Variants in PUF60 observed in about 807,000 individuals in gnomAD.
PUF60 encodes poly(U) binding splicing factor 60, also known as poly(U)-binding-splicing factor PUF60.
PUF60 carries 10 observed loss-of-function variants against 61.8 expected under a neutral mutation model. The ratio of observed to expected loss-of-function variants is 0.16; its 90% CI spans 0.10 to 0.27. The LOEUF (loss-of-function observed/expected upper bound fraction) is 0.27. Ranked by LOEUF, PUF60 falls within the 10% of genes least tolerant of loss-of-function variation. PUF60 has a pLI of 1.00. For missense variants in PUF60, 371 were observed against 754.0 expected, an observed-to-expected ratio of 0.49 and a Z score of 5.95; for synonymous variants, 353 against 300.9, an observed-to-expected ratio of 1.17 and a Z score of -1.79.
chr8:143,817,991 C>T lies in PUF60; in HGVS notation c.688G>A (p.Val230Met). ...GAGAGGTCCTGGTGCACAGAGGCCACGTAGATGCGGTTGAAGGCCCGTGCC... is the reference window on the plus strand; with the variant it reads ...GAGAGGTCCTGGTGCACAGAGGCCATGTAGATGCGGTTGAAGGCCCGTGCC... ...EEARAFNRIYVASVHQDLSDD... is the reference protein window; with the variant it reads ...EEARAFNRIYMASVHQDLSDD... Residue 230 changes from valine (V) to methionine (M), a missense_variant, in exon 8 of 12, where the codon GTG becomes ATG. Around this residue, in one of 13 missense-constraint regions of PUF60, gnomAD observed 31 missense variants for 80.6 expected, o/e 0.38. Transcript: ENST00000526683. The surrounding 1 kb of genome is among the most constrained non-coding windows in gnomAD (Gnocchi z 7.4). 6.2e-7 allele frequency: 1 copy of T among 1,612,906 alleles called. No individual in the cohort carries two copies. The highest frequency in any genetic ancestry group is 8.5e-7 in the Non-Finnish European group (1 of 1,179,850).
rs775052816 is a variant in PUF60, at chr8:143,816,641, G to A, written c.1559C>T (p.Ser520Phe). The A allele has an allele frequency of 1.2e-6, 2 of 1,613,858 alleles. No homozygotes were observed. The highest frequency in any genetic ancestry group is 3.3e-5 in the Admixed American group (2 of 60,024). Residue 520 changes from serine (S) to phenylalanine (F), a missense_variant, in exon 12 of 12, where the codon TCC (serine) becomes TTC (phenylalanine). By Grantham distance (155) the Ser-to-Phe change is radical (BLOSUM62 -2). Transcript: ENST00000526683. Reference protein sequence around the residue: ...EIIVKIFVEFSIASETHKAIQ... With the variant: ...EIIVKIFVEFFIASETHKAIQ... ...GGCCTTATGAGTCTCAGAGGCTATG[G>A]AAAACTCCACAAAGATCTTGACAAT...
intron 2 of PUF60, 144 bp downstream of exon 2, chr8:143,824,169 C>T: frequency 2.5e-6 from 2 of 793,126 alleles, no homozygotes; most frequent in South Asian, 1.8e-5. Flanking sequence ...GGGCAGTTGT[C>T]TGCCCAGAGG....
chr8:143,829,109 C>CG, intron 1 of PUF60, 171 bp downstream of exon 1: 1 of 1,149,894 alleles, frequency 8.7e-7, no homozygotes, highest in Non-Finnish European at 1.1e-6. Context: ...GAGCCGGCCG[C>CG]CGGCGCGCGC....
At chr8:143,824,255 C>A (rs1224698645) in intron 2 of PUF60, 58 bp downstream of exon 2, 4 of 1,450,668 alleles carry the variant, frequency 2.8e-6, no homozygotes, top group African/African-American at 2.9e-5. Flanking sequence ...CACAGGCAGG[C>A]GGGCGGGCGG....
At chr8:143,823,362 G>A (rs1817243331) in intron 2 of PUF60, 1 of 152,530 alleles carries the variant, frequency 6.6e-6, no homozygotes, top group African/African-American at 2.4e-5. Context: ...CCTCCTTAGT[G>A]GGAAAGAGGG....
chr8:143,822,731 CT>C (rs995582304), intron 2 of PUF60: 18 of 365,912 alleles, frequency 4.9e-5, no homozygotes, highest in African/African-American at 3.8e-4. Flanking sequence ...CATCTCTAAG[CT>C]TTTTGCAGAG....
chr8:143,828,251 G>C (rs1246314376), intron 1 of PUF60, among the ~76,000 whole-genome samples: 1 of 152,214 alleles, frequency 6.6e-6, no homozygotes, highest in Non-Finnish European at 1.5e-5. Context: ...GCAGTCTAAG[G>C]ACACTCCCTG....
chr8:143,820,875 G>T (rs538551889), intron 4 of PUF60, among the ~76,000 whole-genome samples, 159 bp from the exon 5 acceptor site: 110 of 152,312 alleles, frequency 7.2e-4, no homozygotes, highest in African/African-American at 2.3e-3. Context: ...TGCCCAGGGG[G>T]GCCGCAGCGC....
chr8:143,826,832 T>C (rs1279156987), intron 1 of PUF60, among the ~76,000 whole-genome samples: 1 of 152,168 alleles, frequency 6.6e-6, no homozygotes, highest in Non-Finnish European at 1.5e-5. Flanking sequence ...AGGGCTACTG[T>C]GAAGATTCAG....
chr8:143,822,567 C>A (rs1306971500), intron 2 of PUF60: 1 of 456,536 alleles, frequency 2.2e-6, no homozygotes, highest in Non-Finnish European at 4.4e-6. Context: ...CTTGCATGGG[C>A]TTTGCCTGGC....
intron 2 of PUF60, 133 bp downstream of exon 2, chr8:143,824,180 C>T: frequency 1.1e-6 from 1 of 871,542 alleles, no homozygotes; most frequent in Non-Finnish European, 1.7e-6. Flanking sequence ...TGCCCAGAGG[C>T]AGAGAAGGGT....
chr8:143,822,019 T>C lies in PUF60; in HGVS notation c.112-106A>G, dbSNP rs1466755525. ...AGACTGTCCCCTGCCTGGCCTGTAC[T>C]CAGGCCAGCCCTTCTGACATTGCTG... On this transcript the variant is annotated intron_variant, in intron 2 of 11. Transcript: ENST00000526683. The C allele has an allele frequency of 9.9e-6, 8 of 804,240 alleles. No homozygotes were observed. The Admixed American group carries it at 2.0e-4, about 20-fold the overall frequency. 49.8% of individuals were successfully genotyped at this position (804,240 alleles called of 1,614,324 possible).
chr8:143,819,447 G>A (rs1563828794), intron 5 of PUF60, among the ~76,000 whole-genome samples: 1 of 152,062 alleles, frequency 6.6e-6, no homozygotes, highest in South Asian at 2.1e-4. Context: ...GGCCAGGGCA[G>A]GCAAAGCAGA....
intron 1 of PUF60, among the ~76,000 whole-genome samples, chr8:143,828,334 T>C (rs1294846867): frequency 6.6e-6 from 1 of 152,068 alleles, no homozygotes; most frequent in Non-Finnish European, 1.5e-5. Flanking sequence ...TCCCGCTGGG[T>C]GTGGGCTGGG....
intron 5 of PUF60, among the ~76,000 whole-genome samples, chr8:143,819,999 C>T: frequency 6.6e-6 from 1 of 152,216 alleles, no homozygotes; most frequent in East Asian, 1.9e-4. Flanking sequence ...CCACATCTTC[C>T]CCTCAGGATC....
In PUF60 at chr8:143,818,350, C is replaced by T. The variant is rs546210022; in HGVS notation, c.510+23G>A. On this transcript the variant is annotated intron_variant, in intron 6 of 11. Transcript: ENST00000526683. The surrounding 1 kb of genome is among the most constrained non-coding windows in gnomAD (Gnocchi z 7.9). ...GGGGTGGGGGCGAGCCCGAAGTGGCCGGGGCGGACCAAGCCTGCTGACCTT... is the reference window on the plus strand; with the variant it reads ...GGGGTGGGGGCGAGCCCGAAGTGGCTGGGGCGGACCAAGCCTGCTGACCTT... 2.9e-5 allele frequency: 47 copies of T among 1,611,070 alleles called. No individual in the cohort carries two copies. The Middle Eastern group carries it at 2.1e-3, about 74-fold the overall frequency.
At position 143,818,552 on chromosome 8, in the gene PUF60, G is replaced by A. The variant is rs773430854; in HGVS notation, c.349-18C>T. On this transcript the variant is annotated intron_variant, in intron 5 of 11. Transcript: ENST00000526683. This position sits in a 1 kb window ranked among gnomAD's most constrained non-coding sequence, Gnocchi z 7.9. ...GCCGCCATCTGCAGCAGGACAGAGG[G>A]GAGAGAACCGCTGGCTCGTCAGGGG... 7.7e-6 allele frequency: 12 copies of A among 1,563,786 alleles called. No individual in the cohort carries two copies. Among genetic ancestry groups the A allele is most frequent in the East Asian group, 2.4e-5 (1 of 42,342 alleles).
chr8:143,816,466 A>G lies in PUF60; in HGVS notation c.*54T>C, dbSNP rs1482571113. The G allele has an allele frequency of 1.3e-6, 2 of 1,559,974 alleles. No individual in the cohort carries two copies. Among genetic ancestry groups the G allele is most frequent in the Non-Finnish European group, 1.7e-6 (2 of 1,154,530 alleles). On this transcript the variant is annotated 3_prime_UTR_variant, in exon 12 of 12. Transcript: ENST00000526683. ...GCCCCGGGGACACCACTGTATCACT[A>G]TAAAACCCAGAGGAAACAAGGAACA...
chr8:143,821,364 CAGCCAAGA>C, intron 4 of PUF60: 1 of 598,514 alleles, frequency 1.7e-6, no homozygotes, highest in Admixed American at 2.9e-5. Flanking sequence ...TGCAGCCAAG[CAGCCAAGA>C]AAGGGGCTGC....
Sources: gnomAD v4.1 joint callset for allele counts (sites outside exome capture counted in the v4.1 genomes callset) on GRCh38, gnomAD v4.1.1 for gene constraint, gnomAD v4.1.1 regional missense constraint, Gnocchi (gnomAD v3.1) non-coding constraint, MANE v1.5 for transcripts, NCBI Gene and HGNC (gene_info 2026-07-23, HGNC 2026-07-21) for gene names.